Variants in CTNNA1 observed in about 807,000 individuals in gnomAD.
The protein encoded by CTNNA1 is catenin alpha 1.
CTNNA1 carries 37 observed loss-of-function variants against 98.4 expected under a neutral mutation model. The observed-to-expected ratio is 0.38, with a 90% CI of 0.29 to 0.49. The LOEUF (loss-of-function observed/expected upper bound fraction) is 0.49. Ranked by LOEUF, CTNNA1 falls within the 20% of genes least tolerant of loss-of-function variation. The pLI is 0.95. For synonymous variants in CTNNA1, 404 were observed against 413.2 expected (o/e 0.98, Z 0.27); for missense variants, 761 against 1,147.2 (o/e 0.66, Z 4.86).
chr5:138,825,230 T>G (rs1443239855), intron 6 of CTNNA1, among the ~76,000 whole-genome samples: 1 of 152,226 alleles, frequency 6.6e-6, no homozygotes, highest in East Asian at 1.9e-4. Flanking sequence ...ACCATCATTC[T>G]AATCTTTCTT....
intron 16 of CTNNA1, 177 bp downstream of exon 16, chr5:138,931,112 T>C (rs1765206024): frequency 1.7e-6 from 1 of 593,916 alleles, no homozygotes; most frequent in Non-Finnish European, 3.1e-6. Flanking sequence ...GATGTGTATG[T>C]CCTGGAATCT....
intron 9 of CTNNA1, among the ~76,000 whole-genome samples, chr5:138,895,854 C>G (rs1268358222): frequency 6.6e-6 from 1 of 152,032 alleles, no homozygotes; most frequent in African/African-American, 2.4e-5. Flanking sequence ...AATACATGAC[C>G]AAAACAAATT....
intron 7 of CTNNA1, among the ~76,000 whole-genome samples, chr5:138,868,266 C>T (rs933247284): frequency 9.9e-5 from 15 of 152,196 alleles, no homozygotes; most frequent in African/African-American, 2.4e-4. Flanking sequence ...TGCAGATTTT[C>T]GACTGTGTGG....
intron 16 of CTNNA1, chr5:138,932,211 C>T: frequency 7.7e-6 from 8 of 1,037,976 alleles, no homozygotes; most frequent in Non-Finnish European, 9.3e-6. Context: ...GCTGAGCCGG[C>T]TTGTTCTCAC....
chr5:138,887,133 A>G (rs1561655506), intron 8 of CTNNA1, among the ~76,000 whole-genome samples: 1 of 152,112 alleles, frequency 6.6e-6, no homozygotes, highest in Non-Finnish European at 1.5e-5. Flanking sequence ...GGCTAATTAT[A>G]TATATATTCC....
chr5:138,913,217 TTC>T (rs1315125268), intron 10 of CTNNA1, among the ~76,000 whole-genome samples: 2 of 152,198 alleles, frequency 1.3e-5, no homozygotes, highest in East Asian at 1.9e-4. Context: ...TCATTTTGTA[TTC>T]TGTTTTTTTT....
At chr5:138,808,141 C>A (rs923181144) in intron 3 of CTNNA1, among the ~76,000 whole-genome samples, 6 of 152,168 alleles carry the variant, frequency 3.9e-5, no homozygotes, top group Non-Finnish European at 8.8e-5. Context: ...TTTTCTTCAG[C>A]GTATTTCCAG....
At chr5:138,820,829 C>G (rs1561559987) in intron 5 of CTNNA1, among the ~76,000 whole-genome samples, 1 of 152,164 alleles carries the variant, frequency 6.6e-6, no homozygotes, top group Non-Finnish European at 1.5e-5. Context: ...CTCATTTAAT[C>G]TTCACAAAAT....
In CTNNA1 at chr5:138,932,291, C is replaced by T. The variant is rs888066058; in HGVS notation, c.2299-287C>T. ...TCCTTGGCCAGGGTGGTTTCCCCGC[C>T]GTCATAGGAGGGAAGTCAGTGGGAG... On this transcript the variant is annotated intron_variant, in intron 16 of 17. Coordinates refer to ENST00000302763, the MANE Select transcript of CTNNA1 (RefSeq NM_001903.5). 3.2e-5 allele frequency: 38 copies of T among 1,182,354 alleles called. No individual in the cohort carries two copies. The Middle Eastern group carries it at 1.0e-3, about 31-fold the overall frequency. The allele number at this position is 1,182,354 out of a possible 1,614,324, so 73.2% of individuals were successfully genotyped here.
chr5:138,819,308 C>T (rs149834760), intron 5 of CTNNA1, among the ~76,000 whole-genome samples: 69 of 152,266 alleles, frequency 4.5e-4, no homozygotes, highest in African/African-American at 1.6e-3. Flanking sequence ...TGTGTGGGCC[C>T]TGGGGAGGGG....
At position 138,929,030 on chromosome 5, in the gene CTNNA1, C is replaced by G. The variant is rs573162146; in HGVS notation, c.1900-216C>G. The stretch of plus-strand genomic sequence containing the variant: ...CCACACACAGTGAAACCAGCCCAGG[C>G]CTGCTGTGGGCCAGGCAGCCCAGCG... On this transcript the variant is annotated intron_variant, in intron 13 of 17. Transcript: ENST00000302763. Among the ~76,000 whole-genome samples the G allele has an allele frequency of 2.8e-3, 433 of 152,320 alleles. 1 individual carries two copies. Among genetic ancestry groups the G allele is most frequent in the African/African-American group, 0.01 (421 of 41,560 alleles).
intron 9 of CTNNA1, among the ~76,000 whole-genome samples, chr5:138,897,914 G>C (rs1224830246): frequency 6.6e-6 from 1 of 152,194 alleles, no homozygotes; most frequent in Non-Finnish European, 1.5e-5. Flanking sequence ...TGGTAGGCAT[G>C]ACTAAAGAAG....
At chr5:138,926,730 A>G (rs1764137456) in intron 13 of CTNNA1, among the ~76,000 whole-genome samples, 1 of 143,938 alleles carries the variant, frequency 6.9e-6, no homozygotes, top group South Asian at 2.1e-4. Context: ...TTTAGGGGGA[A>G]AAAAAAAGTC....
intron 1 of CTNNA1, among the ~76,000 whole-genome samples, chr5:138,779,918 G>GT (rs999798103): frequency 9.2e-5 from 14 of 151,946 alleles, no homozygotes; most frequent in Non-Finnish European, 2.1e-4. Flanking sequence ...GTTTCACTAT[G>GT]TTGGCCAGGC....
At position 138,933,922 on chromosome 5, in the gene CTNNA1, C is replaced by T. The variant is rs1580945247; in HGVS notation, c.2554C>T (p.Leu852Phe). 6 of 1,614,204 alleles carry T rather than the reference C, an allele frequency of 3.7e-6. No homozygotes were observed. The highest frequency in any genetic ancestry group is 5.1e-6 in the Non-Finnish European group (6 of 1,180,040). ...CCAAAAGTCACAGGGTATGGCTTCCCTCAACCTTCCTGCTGTGTCATGGAA... is the reference window on the plus strand; with the variant it reads ...CCAAAAGTCACAGGGTATGGCTTCCTTCAACCTTCCTGCTGTGTCATGGAA... ...KYQKSQGMAS[L>F]NLPAVSWKMK... Residue 852 changes from leucine (L) to phenylalanine (F), a missense_variant, in exon 18 of 18, where the codon CTC (leucine) becomes TTC (phenylalanine). Leu to Phe is a conservative substitution (Grantham distance 22). Transcript: ENST00000302763.
intron 3 of CTNNA1, among the ~76,000 whole-genome samples, chr5:138,799,191 G>C (rs1035344447): frequency 6.6e-6 from 1 of 151,866 alleles, no homozygotes; most frequent in Non-Finnish European, 1.5e-5. Context: ...ACAGAGTTTC[G>C]CTCTTGTTGC....
intron 1 of CTNNA1, 193 bp downstream of exon 1, chr5:138,753,703 C>A: frequency 3.1e-6 from 1 of 324,906 alleles, no homozygotes; most frequent in Non-Finnish European, 5.6e-6. Flanking sequence ...GCGGTCCCTT[C>A]CCCCGCAGGG....
At chr5:138,925,493 G>GATGCGGTGGCAGTAT in intron 13 of CTNNA1, 86 bp downstream of exon 13, 3 of 1,506,178 alleles carry the variant, frequency 2.0e-6, no homozygotes, top group Non-Finnish European at 1.8e-6. Flanking sequence ...GAACTCGGCA[G>GATGCGGTGGCAGTAT]ATGCGGTGGC....
chr5:138,880,745 G>C (rs540899855), intron 7 of CTNNA1: 2 of 285,776 alleles, frequency 7.0e-6, no homozygotes, highest in Non-Finnish European at 1.4e-5. Flanking sequence ...TAAGATACCC[G>C]TTCATACTTA....
Sources: gnomAD v4.1 joint callset for allele counts (sites outside exome capture counted in the v4.1 genomes callset) on GRCh38, gnomAD v4.1.1 for gene constraint, MANE v1.5 for transcripts, NCBI Gene and HGNC (gene_info 2026-07-23, HGNC 2026-07-21) for gene names.